Variants in SPOCK3 observed in about 807,000 individuals in gnomAD.
SPOCK3 encodes testican-3.
SPOCK3 carries 30 observed loss-of-function variants against 56.6 expected under a neutral mutation model. The ratio of observed to expected loss-of-function variants is 0.53; its 90% confidence interval spans 0.40 to 0.72. The LOEUF (loss-of-function observed/expected upper bound fraction) is 0.72. SPOCK3 is among the 30% of genes least tolerant of loss of function. The pLI is 0.00. For missense variants in SPOCK3, 527 were observed against 530.0 expected, an observed-to-expected ratio of 0.99 and a Z score of 0.06; for synonymous variants, 196 against 183.3, an observed-to-expected ratio of 1.07 and a Z score of -0.56.
chr4:167,197,730 T>C (rs1269464272), intron 2 of SPOCK3, among the ~76,000 whole-genome samples: 1 of 152,200 alleles, frequency 6.6e-6, no homozygotes, highest in Non-Finnish European at 1.5e-5. Flanking sequence ...CACGCTCATC[T>C]GATGTTATGT....
intron 2 of SPOCK3, among the ~76,000 whole-genome samples, chr4:167,208,616 C>T (rs1734574953): frequency 3.3e-5 from 5 of 151,912 alleles, no homozygotes; most frequent in African/African-American, 1.2e-4. Flanking sequence ...CATTTCTATT[C>T]CATTACTCCT....
At chr4:167,039,689 A>C (rs925227161) in intron 3 of SPOCK3, among the ~76,000 whole-genome samples, 1 of 143,650 alleles carries the variant, frequency 7.0e-6, no homozygotes, top group Non-Finnish European at 1.5e-5. Context: ...AAAAAAAAAA[A>C]TGCTGAAAAG....
rs372715788 is a variant in SPOCK3, at chr4:166,842,832, C to T, written c.589+46298G>A. Among the ~76,000 whole-genome samples the T allele has an allele frequency of 1.5e-4, 23 of 152,354 alleles. No individual in the cohort carries two copies. The East Asian group carries it at 2.7e-3, about 18-fold the overall frequency. On this transcript the variant is annotated intron_variant, in intron 6 of 10. Coordinates refer to ENST00000357545, the MANE Select transcript of SPOCK3 (RefSeq NM_001040159.2). ...GAGCTGCCTGCCAGTCCCGCACTGC[C>T]GGCCTGCACTCCTCAGCCTTTGGGC...
intron 2 of SPOCK3, among the ~76,000 whole-genome samples, chr4:167,099,551 C>T (rs187428528): frequency 6.6e-6 from 1 of 152,106 alleles, no homozygotes; most frequent in Non-Finnish European, 1.5e-5. Context: ...TCTGTAAAGG[C>T]TCAGAAATTG....
intron 4 of SPOCK3, among the ~76,000 whole-genome samples, chr4:166,955,467 T>C (rs1184015181): frequency 6.8e-6 from 1 of 146,402 alleles, no homozygotes; most frequent in Admixed American, 6.9e-5. Context: ...ATATAAATAT[T>C]ATATTATATT....
chr4:167,089,604 A>T (rs1758526671), intron 2 of SPOCK3, among the ~76,000 whole-genome samples: 1 of 152,178 alleles, frequency 6.6e-6, no homozygotes, highest in South Asian at 2.1e-4. Flanking sequence ...CAGACTTTTA[A>T]AAAAATGATA....
At chr4:166,794,210 C>CAAAAAAAAA (rs10710162) in intron 6 of SPOCK3, among the ~76,000 whole-genome samples, 6 of 73,626 alleles carry the variant, frequency 8.1e-5, no homozygotes, top group African/African-American at 2.2e-4. Flanking sequence ...GGTGATAAGG[C>CAAAAAAAAA]AAAAAAAAAA....
At chr4:166,772,998 C>T (rs1358396471) in intron 7 of SPOCK3, among the ~76,000 whole-genome samples, 2 of 152,068 alleles carry the variant, frequency 1.3e-5, no homozygotes, top group African/African-American at 2.4e-5. Flanking sequence ...CACTGTGTTG[C>T]CCATGCTGGT....
chr4:166,892,132 CAAGAG>C (rs1012070305), intron 5 of SPOCK3, among the ~76,000 whole-genome samples: 12 of 151,960 alleles, frequency 7.9e-5, no homozygotes, highest in Non-Finnish European at 1.5e-5. Context: ...GAATAACTTA[CAAGAG>C]AATTACATAA....
Position 167,109,316 on chromosome 4 carries a change from AATATATTAAT to A in SPOCK3, c.190-46789_190-46780del, listed in dbSNP as rs1159868901. On this transcript the variant is annotated intron_variant, in intron 2 of 10. Coordinates refer to ENST00000357545, the MANE Select transcript of SPOCK3 (RefSeq NM_001040159.2). ...TATAAATAATAATTATTAATATATTAATATATTAATATATATTAATATTATATAATAAAAT... is the reference window on the plus strand; with the variant it reads ...TATAAATAATAATTATTAATATATTAATATATTAATATTATATAATAAAAT... Among the ~76,000 whole-genome samples the A allele has an allele frequency of 2.6e-3, 235 of 91,764 alleles. 2 individuals carry two copies. The highest frequency in any genetic ancestry group is 3.9e-3 in the Non-Finnish European group (206 of 52,778). The allele number at this position is 91,764 out of a possible 152,430, so 60.2% of individuals were successfully genotyped here.
intron 3 of SPOCK3, among the ~76,000 whole-genome samples, chr4:167,054,350 T>C (rs983132645): frequency 2.6e-5 from 4 of 152,238 alleles, no homozygotes; most frequent in African/African-American, 9.6e-5. Flanking sequence ...ATCTAAAGCA[T>C]TGATTAATTG....
intron 6 of SPOCK3, among the ~76,000 whole-genome samples, chr4:166,866,486 G>A (rs190652492): frequency 8.5e-5 from 13 of 152,134 alleles, no homozygotes; most frequent in African/African-American, 2.9e-4. Context: ...TCATCAGAGT[G>A]AACAGGCAAA....
intron 6 of SPOCK3, among the ~76,000 whole-genome samples, chr4:166,811,698 T>A (rs1482234730): frequency 2.0e-5 from 3 of 151,766 alleles, no homozygotes; most frequent in Non-Finnish European, 4.4e-5. Context: ...GAAGCAGTGA[T>A]CCCAGGAAAA....
chr4:167,197,507 T>G lies in SPOCK3; in HGVS notation c.189+36478A>C, dbSNP rs142764536. Among the ~76,000 whole-genome samples, 1,304 of 152,156 alleles carry G rather than the reference T, an allele frequency of 8.6e-3. 16 individuals carry two copies. Among genetic ancestry groups the G allele is most frequent in the African/African-American group, 0.025 (1,050 of 41,502 alleles). ...CTAATGGAAATTTAAGTGTGAGAAA[T>G]CTATAGTTCATTAATTCTAAATTTG... On this transcript the variant is annotated intron_variant, in intron 2 of 10. Coordinates refer to ENST00000357545, the MANE Select transcript of SPOCK3 (RefSeq NM_001040159.2).
intron 5 of SPOCK3, among the ~76,000 whole-genome samples, chr4:166,897,991 G>C (rs1416620635): frequency 2.0e-5 from 3 of 151,830 alleles, no homozygotes; most frequent in Non-Finnish European, 4.4e-5. Context: ...AGGAGTTTGA[G>C]ACCAGTTTGG....
At chr4:167,126,520 G>T (rs1377249107) in intron 2 of SPOCK3, among the ~76,000 whole-genome samples, 1 of 151,802 alleles carries the variant, frequency 6.6e-6, no homozygotes, top group African/African-American at 2.4e-5. Context: ...TTGCACTCTA[G>T]CCTGGGCAAC....
chr4:167,172,341 A>G (rs1249011480), intron 2 of SPOCK3, among the ~76,000 whole-genome samples: 2 of 152,210 alleles, frequency 1.3e-5, no homozygotes, highest in Admixed American at 6.6e-5. Context: ...TTAGTTTCGC[A>G]GTTTGGAAGT....
intron 4 of SPOCK3, among the ~76,000 whole-genome samples, chr4:166,971,392 A>G (rs1286907958): frequency 6.6e-6 from 1 of 152,164 alleles, no homozygotes; most frequent in Non-Finnish European, 1.5e-5. Flanking sequence ...AAAGGCAGAA[A>G]AAAGTCTTTA....
At chr4:166,895,172 T>C (rs1222262866) in intron 5 of SPOCK3, among the ~76,000 whole-genome samples, 1 of 152,076 alleles carries the variant, frequency 6.6e-6, no homozygotes, top group Non-Finnish European at 1.5e-5. Flanking sequence ...ATAGGTTGTT[T>C]AATTATTGGT....
Sources: allele counts gnomAD v4.1 joint callset (sites outside exome capture counted in the v4.1 genomes callset), GRCh38; gene constraint gnomAD v4.1.1; transcripts MANE v1.5; gene names NCBI Gene and HGNC (gene_info 2026-07-23, HGNC 2026-07-21).